STIM1: variants seen among roughly 807,000 people sequenced by gnomAD.
STIM1 encodes the protein stromal interaction molecule 1.
In STIM1, 25 loss-of-function variants were observed where a neutral mutation model predicts 74.7. That is an observed-to-expected ratio of 0.33 (90% CI 0.24 to 0.47). The LOEUF is 0.47. STIM1 is among the 20% of genes least tolerant of loss of function. The pLI is 1.00. For synonymous variants in STIM1, 328 were observed against 348.8 expected, an observed-to-expected ratio of 0.94 and a Z score of 0.66; for missense variants, 728 against 920.8, an observed-to-expected ratio of 0.79 and a Z score of 2.71.
At chr11:3,947,457 C>T (rs920886329) in intron 1 of STIM1, 1 of 152,134 alleles carries the variant, frequency 6.6e-6, no homozygotes, top group Non-Finnish European at 1.5e-5. Context: ...AAAGTTTTAA[C>T]GAGGGAGGCT....
intron 1 of STIM1, among the ~76,000 whole-genome samples, chr11:3,936,484 C>G (rs986049850): frequency 6.6e-6 from 1 of 152,180 alleles, no homozygotes; most frequent in Non-Finnish European, 1.5e-5. Context: ...GAACAACGTG[C>G]CTTTTGCTCA....
At chr11:3,959,907 C>A (rs1054840878) in intron 1 of STIM1, among the ~76,000 whole-genome samples, 1 of 152,098 alleles carries the variant, frequency 6.6e-6, no homozygotes, top group African/African-American at 2.4e-5. Flanking sequence ...ACAAATCAAA[C>A]CAGTGGCACT....
chr11:3,861,508 C>CT (rs1232320333), intron 1 of STIM1, among the ~76,000 whole-genome samples: 1 of 152,178 alleles, frequency 6.6e-6, no homozygotes, highest in Admixed American at 6.5e-5. Flanking sequence ...TGTGGGATTA[C>CT]AGGCGTGAGC....
At chr11:3,917,117 C>G (rs764845935) in intron 1 of STIM1, among the ~76,000 whole-genome samples, 1 of 152,092 alleles carries the variant, frequency 6.6e-6, no homozygotes, top group South Asian at 2.1e-4. Context: ...CTTATGTACG[C>G]GTAGTGAGAT....
chr11:4,057,410 G>A (rs2094298270), intron 4 of STIM1, among the ~76,000 whole-genome samples: 3 of 152,154 alleles, frequency 2.0e-5, no homozygotes, highest in African/African-American at 4.8e-5. Flanking sequence ...GAAGCATGGG[G>A]CCTTCAGTGC....
At chr11:4,047,839 G>A (rs1354783694) in intron 3 of STIM1, among the ~76,000 whole-genome samples, 2 of 137,724 alleles carry the variant, frequency 1.5e-5, no homozygotes, top group African/African-American at 2.7e-5. Flanking sequence ...TTTTTTTTGA[G>A]ATGGAGTCTC....
intron 3 of STIM1, among the ~76,000 whole-genome samples, chr11:4,026,437 A>T (rs933364485): frequency 6.6e-6 from 1 of 152,226 alleles, no homozygotes; most frequent in Non-Finnish European, 1.5e-5. Context: ...ACATATATTA[A>T]CTTATTTCTC....
At chr11:4,065,092 G>A (rs1339555544) in intron 5 of STIM1, among the ~76,000 whole-genome samples, 2 of 152,178 alleles carry the variant, frequency 1.3e-5, no homozygotes, top group Admixed American at 1.3e-4. Context: ...TTTAATGTGT[G>A]CCTACAGTGT....
chr11:4,086,621 A>G, intron 12 of STIM1, 78 bp downstream of exon 12: 2 of 1,592,948 alleles, frequency 1.3e-6, no homozygotes, highest in South Asian at 1.1e-5. Context: ...TCATCTGGAC[A>G]GTCTTTCAGT....
At chr11:3,890,699 C>T (rs1282714288) in intron 1 of STIM1, among the ~76,000 whole-genome samples, 1 of 151,354 alleles carries the variant, frequency 6.6e-6, no homozygotes, top group South Asian at 2.1e-4. Flanking sequence ...TGGAGCAAGA[C>T]TCTATTGCAA....
At chr11:3,986,983 C>T (rs969219426) in intron 2 of STIM1, among the ~76,000 whole-genome samples, 2 of 152,124 alleles carry the variant, frequency 1.3e-5, no homozygotes, top group Non-Finnish European at 2.9e-5. Context: ...AGAGGCATGC[C>T]CTCTTTTATC....
chr11:3,924,605 C>T (rs755455502), intron 1 of STIM1, among the ~76,000 whole-genome samples: 1 of 151,980 alleles, frequency 6.6e-6, no homozygotes, highest in Non-Finnish European at 1.5e-5. Flanking sequence ...ATAAAATAAA[C>T]AATTTCAATG....
chr11:3,919,236 G>C (rs146118760), intron 1 of STIM1, among the ~76,000 whole-genome samples: 116 of 152,190 alleles, frequency 7.6e-4, no homozygotes, highest in African/African-American at 2.7e-3. Flanking sequence ...ATGGAGTTTC[G>C]CTCTTACTGC....
At chr11:4,025,468 G>A (rs1000869083) in intron 3 of STIM1, among the ~76,000 whole-genome samples, 1 of 152,202 alleles carries the variant, frequency 6.6e-6, no homozygotes, top group African/African-American at 2.4e-5. Flanking sequence ...ATGTACTGAT[G>A]AAGATTAAGC....
intron 2 of STIM1, among the ~76,000 whole-genome samples, chr11:4,006,757 G>C (rs1429857646): frequency 2.0e-5 from 3 of 152,128 alleles, no homozygotes; most frequent in African/African-American, 7.2e-5. Flanking sequence ...CTAATGTAGG[G>C]TTCTAAATAT....
intron 2 of STIM1, among the ~76,000 whole-genome samples, chr11:4,004,605 A>T (rs992257567): frequency 6.6e-6 from 1 of 151,200 alleles, no homozygotes; most frequent in Non-Finnish European, 1.5e-5. Flanking sequence ...TTAAAGACTT[A>T]AACGTTAGAC....
intron 2 of STIM1, among the ~76,000 whole-genome samples, chr11:4,016,874 G>A (rs1210441200): frequency 1.3e-5 from 2 of 152,260 alleles, no homozygotes; most frequent in African/African-American, 2.4e-5. Flanking sequence ...GACCCGCCGA[G>A]CCAGGCACAG....
In STIM1 at chr11:4,091,746, C is replaced by G; in HGVS notation, c.2099C>G (p.Pro700Arg). The G allele has an allele frequency of 6.2e-7, 1 of 1,612,706 alleles. No homozygotes were observed. Among genetic ancestry groups the G allele is most frequent in the South Asian group, 1.1e-5 (1 of 91,088 alleles). Residue 700 changes from proline (P) to arginine (R), a missense_variant, in exon 13 of 13, where the codon CCA becomes CGA. Physicochemically the swap from Pro to Arg is moderately radical, Grantham distance 103. Around this residue, in one of 5 missense-constraint regions of STIM1, gnomAD observed 352 missense variants for 370.1 expected, o/e 0.95. Coordinates refer to ENST00000526596, the MANE Select transcript of STIM1 (RefSeq NM_001382567.1). ...GSIGEETDSS[P>R]GRKKFPLKIF... ...ATTGGCGAGGAAACAGACTCCAGCC[C>G]AGGCCGGAAGAAGTTTCCCCTCAAA... is the stretch of plus-strand genomic sequence containing the variant.
rs567316473 is a variant in STIM1 at position 3,989,333 on chromosome 11, C to T, written c.270+21651C>T. ...TGCACTTGTTTGTCTGAAGATTTAT[C>T]CTTTGCTGCTGCCTTTTTCGGCTTC... On this transcript the variant is annotated intron_variant, in intron 2 of 12. Coordinates refer to ENST00000526596, the MANE Select transcript of STIM1 (RefSeq NM_001382567.1). The T allele has an allele frequency of 3.1e-5, 27 of 874,642 alleles. No homozygotes were observed. The South Asian group carries it at 3.5e-4, about 11-fold the overall frequency. 54.2% of individuals were successfully genotyped at this position (874,642 alleles called of 1,614,324 possible).
Sources: allele counts gnomAD v4.1 joint callset (sites outside exome capture counted in the v4.1 genomes callset), GRCh38; gene constraint gnomAD v4.1.1; regional missense constraint gnomAD v4.1.1; transcripts MANE v1.5; gene names NCBI Gene and HGNC (gene_info 2026-07-23, HGNC 2026-07-21).